The following TMEM245 variants were observed in gnomAD, a reference collection of about 807,000 sequenced individuals.
The protein encoded by TMEM245 is protein CG-2.
TMEM245 carries 69 observed loss-of-function variants against 101.2 expected under a neutral mutation model. That is an observed-to-expected ratio of 0.68 (90% CI 0.56 to 0.83). The LOEUF (loss-of-function observed/expected upper bound fraction) is 0.83. Among genes scored for constraint, TMEM245 ranks in the 40% least tolerant of loss-of-function variants. The pLI is 0.00. For synonymous variants in TMEM245, 537 were observed against 449.8 expected, an observed-to-expected ratio of 1.19 and a Z score of -2.45; for missense variants, 1,075 against 1,092.8, an observed-to-expected ratio of 0.98 and a Z score of 0.23.
chr9:109,119,923 G>A lies in TMEM245; in HGVS notation c.-10C>T, dbSNP rs750359547. 64 of 1,286,284 alleles carry A rather than the reference G, an allele frequency of 5.0e-5. No individual in the cohort carries two copies. In the Admixed American group the frequency reaches 2.2e-3, roughly 44 times the overall value. The allele number at this position is 1,286,284 out of a possible 1,614,324, so 79.7% of individuals were successfully genotyped here. A position where few individuals can be genotyped will look rare whatever the true frequency, so the allele number is the denominator to read the frequency against. On this transcript the variant is annotated 5_prime_UTR_variant, in exon 1 of 18. Transcript: ENST00000374586. ...CGCCGCCGTCGGCCATCGTTCCTCC[G>A]CCACAGCCGCCCCCGAGGGGCGGTA...
intron 17 of TMEM245, among the ~76,000 whole-genome samples, chr9:109,032,623 G>A (rs1237155162): frequency 6.6e-6 from 1 of 150,622 alleles, no homozygotes; most frequent in Non-Finnish European, 1.5e-5. Context: ...CCTGACTTCA[G>A]GTGATTTGCC....
At position 109,019,517 on chromosome 9, in the gene TMEM245, A is replaced by C. The variant is rs1286875514; in HGVS notation, c.*943T>G. On this transcript the variant is annotated 3_prime_UTR_variant, in exon 18 of 18. Coordinates refer to ENST00000374586, the MANE Select transcript of TMEM245 (RefSeq NM_032012.4). ...TTTAAAGTTGCAATTCAATTCAACA[A>C]GCATTCATTTAGAGTCATGTGCAAG... is the stretch of plus-strand genomic sequence containing the variant. 8 of 152,274 alleles carry C rather than the reference A, an allele frequency of 5.3e-5. No individual in the cohort carries two copies. Among genetic ancestry groups the C allele is most frequent in the Admixed American group, 5.2e-4 (8 of 15,288 alleles). The allele number at this position is 152,274 out of a possible 1,614,324, so 9.4% of individuals were successfully genotyped here.
intron 10 of TMEM245, among the ~76,000 whole-genome samples, chr9:109,062,091 A>G (rs1403922978): frequency 2.0e-5 from 3 of 152,022 alleles, no homozygotes; most frequent in Admixed American, 1.3e-4. Flanking sequence ...TGAAGCCTGG[A>G]CCTCCCAGAC....
intron 14 of TMEM245, chr9:109,038,645 T>C (rs1022000305): frequency 6.6e-6 from 1 of 152,214 alleles, no homozygotes; most frequent in Non-Finnish European, 1.5e-5. Flanking sequence ...TAACTAAGCC[T>C]ACAAAGTAAC....
At chr9:109,025,894 G>A (rs895116069) in intron 17 of TMEM245, among the ~76,000 whole-genome samples, 7 of 152,226 alleles carry the variant, frequency 4.6e-5, no homozygotes, top group Admixed American at 3.3e-4. Flanking sequence ...ACAGTGAGCA[G>A]CAGAGAAGGT....
intron 9 of TMEM245, among the ~76,000 whole-genome samples, chr9:109,068,094 G>A (rs894389189): frequency 3.3e-5 from 5 of 152,090 alleles, no homozygotes; most frequent in Non-Finnish European, 7.4e-5. Flanking sequence ...TTGGCCGGAC[G>A]CGGTCACTCA....
chr9:109,045,607 TA>T (rs1828465763), intron 14 of TMEM245, among the ~76,000 whole-genome samples: 1 of 152,220 alleles, frequency 6.6e-6, no homozygotes, highest in African/African-American at 2.4e-5. Context: ...TTCAATTACA[TA>T]GGCAAATAGT....
chr9:109,115,156 G>A (rs1221171037), intron 1 of TMEM245, among the ~76,000 whole-genome samples: 5 of 152,058 alleles, frequency 3.3e-5, no homozygotes, highest in Admixed American at 1.3e-4. Context: ...AGACCAGCCT[G>A]GCCAACATGG....
chr9:109,084,564 A>G (rs1829779487), intron 7 of TMEM245, among the ~76,000 whole-genome samples: 2 of 152,236 alleles, frequency 1.3e-5, no homozygotes, highest in Non-Finnish European at 2.9e-5. Context: ...TCATTTCAAT[A>G]TAACACAAAT....
At position 109,016,786 on chromosome 9, in the gene TMEM245, A is replaced by AT. The variant is rs1255473302; in HGVS notation, c.*3673dup. The AT allele has an allele frequency of 4.6e-5, 7 of 151,916 alleles. No homozygotes were observed. In the East Asian group the frequency reaches 1.4e-3, roughly 29 times the overall value. The allele number at this position is 151,916 out of a possible 1,614,324, so 9.4% of individuals were successfully genotyped here. ...GTACTTGTTTTTAGCTGGAACTAGC[A>AT]TTTGGAAGTAATGCTAGCCAGAGGC... On this transcript the variant is annotated 3_prime_UTR_variant, in exon 18 of 18. Transcript: ENST00000374586.
At chr9:109,039,434 G>T (rs1276825995) in intron 14 of TMEM245, 1 of 152,132 alleles carries the variant, frequency 6.6e-6, no homozygotes. Flanking sequence ...AACCTGAAGG[G>T]GAAAGAATAG....
rs755399182 is a variant in TMEM245 at position 109,032,365 on chromosome 9, C to CTTTTTTTTTTTTTTTTT, written c.2594+925_2594+941dup. Among the ~76,000 whole-genome samples, 89 of 40,978 alleles carry CTTTTTTTTTTTTTTTTT rather than the reference C, an allele frequency of 2.2e-3. 33 individuals carry two copies. Among genetic ancestry groups the CTTTTTTTTTTTTTTTTT allele is most frequent in the Non-Finnish European group, 3.0e-3 (67 of 22,612 alleles). The allele number at this position is 40,978 out of a possible 152,430, so 26.9% of individuals were successfully genotyped here. The stretch of plus-strand genomic sequence containing the variant: ...GCATTTGGTTGTCCTATTTCTTTTC[C>CTTTTTTTTTTTTTTTTT]TTTTTTTTTTTTTTTTTTTTTTTTT... On this transcript the variant is annotated intron_variant, in intron 17 of 17. Transcript: ENST00000374586.
chr9:109,019,099 A>T lies in TMEM245; in HGVS notation c.*1361T>A, dbSNP rs948714847. 6.6e-6 allele frequency: 1 copy of T among 152,066 alleles called. No homozygotes were observed. Among genetic ancestry groups the T allele is most frequent in the Non-Finnish European group, 1.5e-5 (1 of 68,066 alleles). The allele number at this position is 152,066 out of a possible 1,614,324, so 9.4% of individuals were successfully genotyped here. ...CCCCTGGGAGCAGAGGATAGGCCTGATGATTGTTTTAAACAGTAGAAAGGG... is the reference window on the plus strand; with the variant it reads ...CCCCTGGGAGCAGAGGATAGGCCTGTTGATTGTTTTAAACAGTAGAAAGGG... On this transcript the variant is annotated 3_prime_UTR_variant, in exon 18 of 18. Transcript: ENST00000374586.
At chr9:109,020,892 A>G (rs915970813) in intron 17 of TMEM245, among the ~76,000 whole-genome samples, 3 of 152,240 alleles carry the variant, frequency 2.0e-5, no homozygotes, top group Non-Finnish European at 1.5e-5. Flanking sequence ...AGGAAAAACC[A>G]CTAAGAGACC....
At chr9:109,078,849 T>C (rs1337247576) in intron 8 of TMEM245, among the ~76,000 whole-genome samples, 1 of 152,220 alleles carries the variant, frequency 6.6e-6, no homozygotes, top group African/African-American at 2.4e-5. Context: ...CCTTTTTCTC[T>C]TCCTCTTCTC....
At chr9:109,106,181 T>G (rs553312836) in intron 3 of TMEM245, among the ~76,000 whole-genome samples, 1 of 82,048 alleles carries the variant, frequency 1.2e-5, no homozygotes, top group South Asian at 5.7e-4. Context: ...GCTATGATTG[T>G]GCCACTGCAC....
At position 109,036,323 on chromosome 9, in the gene TMEM245, G is replaced by T; in HGVS notation, c.2282C>A (p.Pro761His). The T allele has an allele frequency of 6.2e-7, 1 of 1,613,818 alleles. No individual in the cohort carries two copies. Among genetic ancestry groups the T allele is most frequent in the Admixed American group, 1.7e-5 (1 of 59,892 alleles). Residue 761 changes from proline (P) to histidine (H), a missense_variant, in exon 16 of 18, where the codon CCT (proline) becomes CAT (histidine). This residue lies in a region of TMEM245 where 267 missense variants were observed against 351.3 expected (regional missense o/e 0.76). Coordinates refer to ENST00000374586, the MANE Select transcript of TMEM245 (RefSeq NM_032012.4). ...PFLGTYWAAV[P>H]AVLDLWLTQG... is the part of the protein sequence containing the mutation. ...TGTCAGCCACAGGTCAAGAACTGCA[G>T]GTACTGCTGCCCAGTATGTCCCCAG...
At chr9:109,036,564 A>G (rs1480494021) in intron 15 of TMEM245, among the ~76,000 whole-genome samples, 184 bp from the exon 16 acceptor site, 1 of 152,192 alleles carries the variant, frequency 6.6e-6, no homozygotes, top group Non-Finnish European at 1.5e-5. Context: ...TAAAGGCTCA[A>G]TATCTTAAAA....
chr9:109,072,025 C>A (rs7851951), intron 9 of TMEM245, among the ~76,000 whole-genome samples: 22,194 of 152,182 alleles, frequency 0.15, 1,844 homozygotes, highest in African/African-American at 0.2. Context: ...GAAAATATGT[C>A]AATGAGTAGA....
Sources: gnomAD v4.1 joint callset for allele counts (sites outside exome capture counted in the v4.1 genomes callset) on GRCh38, gnomAD v4.1.1 for gene constraint, gnomAD v4.1.1 regional missense constraint, MANE v1.5 for transcripts, NCBI Gene and HGNC (gene_info 2026-07-23, HGNC 2026-07-21) for gene names.